Variants in SH3RF1 observed in about 807,000 individuals in gnomAD.
The protein encoded by SH3RF1 is E3 ubiquitin-protein ligase SH3RF1.
Under a neutral mutation model 74.0 loss-of-function variants are expected in SH3RF1, and 32 were observed. The observed-to-expected ratio is 0.43, with a 90% confidence interval of 0.33 to 0.58. The LOEUF is 0.58. Among genes scored for constraint, SH3RF1 ranks in the 20% least tolerant of loss-of-function variants. The pLI is 0.05. For synonymous variants in SH3RF1, 396 were observed against 439.6 expected, an observed-to-expected ratio of 0.90 and a Z score of 1.24; for missense variants, 954 against 1,130.9, an observed-to-expected ratio of 0.84 and a Z score of 2.24.
At chr4:169,120,423 G>A (rs769267081) in intron 8 of SH3RF1, among the ~76,000 whole-genome samples, 26 of 152,216 alleles carry the variant, frequency 1.7e-4, no homozygotes, top group Non-Finnish European at 3.1e-4. Flanking sequence ...GTTAATCAGT[G>A]TAATGCATTT....
At chr4:169,208,870 G>A (rs1426512426) in intron 2 of SH3RF1, among the ~76,000 whole-genome samples, 1 of 151,832 alleles carries the variant, frequency 6.6e-6, no homozygotes, top group Non-Finnish European at 1.5e-5. Context: ...CATGAATAAA[G>A]ATTTGAGAAC....
intron 2 of SH3RF1, among the ~76,000 whole-genome samples, chr4:169,198,076 T>G (rs902539038): frequency 6.6e-6 from 1 of 152,216 alleles, no homozygotes; most frequent in African/African-American, 2.4e-5. Context: ...TTGGTCCAAA[T>G]TATTGCATCT....
rs537322809 is a variant in SH3RF1, at chr4:169,194,007, C to T, written c.394-37328G>A. Reference sequence around the variant, plus strand: ...GTCTTTTTTTCATGTTTGTGCCAGACTTGTAAAAAGGGGCTAGCCTACTAC... The same window carrying T: ...GTCTTTTTTTCATGTTTGTGCCAGATTTGTAAAAAGGGGCTAGCCTACTAC... On this transcript the variant is annotated intron_variant, in intron 2 of 11. Transcript: ENST00000284637. Among the ~76,000 whole-genome samples the T allele has an allele frequency of 1.6e-4, 25 of 152,180 alleles. 1 individual carries two copies. In the South Asian group the frequency reaches 4.4e-3, roughly 27 times the overall value.
At chr4:169,251,832 G>C (rs1401823413) in intron 2 of SH3RF1, among the ~76,000 whole-genome samples, 1 of 152,168 alleles carries the variant, frequency 6.6e-6, no homozygotes, top group African/African-American at 2.4e-5. Flanking sequence ...CAGCCTACTA[G>C]AAACAATTCC....
intron 2 of SH3RF1, among the ~76,000 whole-genome samples, chr4:169,256,963 G>A (rs1731202399): frequency 6.6e-6 from 1 of 152,166 alleles, no homozygotes; most frequent in Non-Finnish European, 1.5e-5. Flanking sequence ...TCTAGAAAGA[G>A]GGAAAACTGA....
rs150356731 is a variant in SH3RF1 at position 169,260,301 on chromosome 4, C to T, written c.393+8519G>A. Among the ~76,000 whole-genome samples the T allele has an allele frequency of 3.5e-3, 527 of 152,286 alleles. 1 individual carries two copies. The highest frequency in any genetic ancestry group is 9.9e-3 in the African/African-American group (413 of 41,558). ...ACAAAAACAAAGCATTTTGAGAAGA[C>T]AACCCAGAGAAGCAGTTTTAGGAAG... is the stretch of plus-strand genomic sequence containing the variant. On this transcript the variant is annotated intron_variant, in intron 2 of 11. Coordinates refer to ENST00000284637, the MANE Select transcript of SH3RF1 (RefSeq NM_020870.4).
intron 2 of SH3RF1, among the ~76,000 whole-genome samples, chr4:169,199,056 TA>T (rs1411082838): frequency 6.6e-6 from 1 of 152,108 alleles, no homozygotes; most frequent in East Asian, 1.9e-4. Flanking sequence ...AATAAATTGG[TA>T]AAATAGTGGC....
At chr4:169,129,109 T>C (rs1478998955) in intron 6 of SH3RF1, among the ~76,000 whole-genome samples, 2 of 152,204 alleles carry the variant, frequency 1.3e-5, no homozygotes, top group Admixed American at 1.3e-4. Flanking sequence ...GACACACCAA[T>C]GGCATTCTCT....
chr4:169,217,047 C>T (rs1016428570), intron 2 of SH3RF1, among the ~76,000 whole-genome samples: 1 of 149,312 alleles, frequency 6.7e-6, no homozygotes, highest in Non-Finnish European at 1.5e-5. Flanking sequence ...TCTGTAGTCC[C>T]AGCTACTTGG....
chr4:169,233,248 CAAAAAA>C lies in SH3RF1; in HGVS notation c.393+35566_393+35571del, dbSNP rs372381759. Among the ~76,000 whole-genome samples the C allele has an allele frequency of 7.6e-5, 5 of 65,588 alleles. No individual in the cohort carries two copies. The South Asian group carries it at 3.7e-3, about 49-fold the overall frequency. 43.0% of individuals were successfully genotyped at this position (65,588 alleles called of 152,430 possible). A position where few individuals can be genotyped will look rare whatever the true frequency, so the allele number is the denominator to read the frequency against. On this transcript the variant is annotated intron_variant, in intron 2 of 11. Transcript: ENST00000284637. ...TGGGCAACAGAGCAAGACTCCATCT[CAAAAAA>C]AAAAAAAAAAAAAAAAAAACCGTGG...
chr4:169,263,327 C>T (rs1731309058), intron 2 of SH3RF1, among the ~76,000 whole-genome samples: 1 of 152,218 alleles, frequency 6.6e-6, no homozygotes, highest in Admixed American at 6.5e-5. Context: ...TGATGCTTCA[C>T]TATCTGCTGC....
chr4:169,151,667 T>C (rs897944254), intron 4 of SH3RF1, among the ~76,000 whole-genome samples: 3 of 152,226 alleles, frequency 2.0e-5, no homozygotes, highest in Non-Finnish European at 4.4e-5. Context: ...TGAGTAAGAA[T>C]AGTTGTCTAT....
intron 2 of SH3RF1, among the ~76,000 whole-genome samples, chr4:169,190,166 G>C (rs184392048): frequency 2.0e-4 from 30 of 152,276 alleles, no homozygotes; most frequent in Admixed American, 1.8e-3. Flanking sequence ...CAAGGAACCG[G>C]AGAAACAAGA....
At chr4:169,196,110 C>CA (rs1734806416) in intron 2 of SH3RF1, among the ~76,000 whole-genome samples, 1 of 152,144 alleles carries the variant, frequency 6.6e-6, no homozygotes, top group Non-Finnish European at 1.5e-5. Flanking sequence ...CCACCACGCC[C>CA]AGCGAACACA....
At chr4:169,151,428 C>T (rs1159788966) in intron 4 of SH3RF1, among the ~76,000 whole-genome samples, 1 of 152,210 alleles carries the variant, frequency 6.6e-6, no homozygotes, top group Non-Finnish European at 1.5e-5. Context: ...AAGAGCCAGG[C>T]CCATAGTCAC....
intron 2 of SH3RF1, among the ~76,000 whole-genome samples, chr4:169,175,257 C>T (rs1734400175): frequency 6.6e-6 from 1 of 152,216 alleles, no homozygotes; most frequent in East Asian, 1.9e-4. Flanking sequence ...CCACTATTAA[C>T]ACCCTAGCAC....
chr4:169,138,927 T>A (rs1733739633), intron 4 of SH3RF1, among the ~76,000 whole-genome samples: 1 of 152,130 alleles, frequency 6.6e-6, no homozygotes, highest in Non-Finnish European at 1.5e-5. Context: ...ATATTCTCCA[T>A]TAAAATAAAT....
At chr4:169,226,510 A>G (rs529405021) in intron 2 of SH3RF1, among the ~76,000 whole-genome samples, 5 of 152,162 alleles carry the variant, frequency 3.3e-5, no homozygotes, top group African/African-American at 9.6e-5. Flanking sequence ...AAAGAGCAAG[A>G]AAGATCAGAA....
At chr4:169,230,560 C>T (rs1441457353) in intron 2 of SH3RF1, among the ~76,000 whole-genome samples, 1 of 151,922 alleles carries the variant, frequency 6.6e-6, no homozygotes, top group Non-Finnish European at 1.5e-5. Context: ...ATCAATTATT[C>T]AAATATCACT....
Sources: allele counts gnomAD v4.1 joint callset (sites outside exome capture counted in the v4.1 genomes callset), GRCh38; gene constraint gnomAD v4.1.1; transcripts MANE v1.5; gene names NCBI Gene and HGNC (gene_info 2026-07-23, HGNC 2026-07-21).